The following ZNF385B variants were observed in gnomAD, a reference collection of about 807,000 sequenced individuals.
ZNF385B encodes zinc finger protein 385B.
In ZNF385B, 23 loss-of-function variants were observed where a neutral mutation model predicts 39.2. That is an observed-to-expected ratio of 0.59 (90% CI 0.42 to 0.83). The LOEUF is 0.83. Ranked by LOEUF, ZNF385B falls within the 40% of genes least tolerant of loss-of-function variation. ZNF385B has a pLI of 0.00. For synonymous variants in ZNF385B, 205 were observed against 222.6 expected (o/e 0.92, Z 0.70); for missense variants, 552 against 598.9 (o/e 0.92, Z 0.82).
At chr2:179,504,413 A>G (rs2057057931) in intron 5 of ZNF385B, among the ~76,000 whole-genome samples, 1 of 152,010 alleles carries the variant, frequency 6.6e-6, no homozygotes, top group African/African-American at 2.4e-5. Flanking sequence ...GGCTGGGTCA[A>G]ATGGTATTTC....
At chr2:179,821,522 A>C (rs577002560) in intron 1 of ZNF385B, among the ~76,000 whole-genome samples, 165 of 152,228 alleles carry the variant, frequency 1.1e-3, no homozygotes, top group African/African-American at 3.8e-3. Flanking sequence ...ACTAAAAACA[A>C]TACTCTCGAG....
rs533288972 is a variant in ZNF385B, at chr2:179,547,314, C to T, written c.299-2345G>A. On this transcript the variant is annotated intron_variant, in intron 3 of 9. Coordinates refer to ENST00000410066, the MANE Select transcript of ZNF385B (RefSeq NM_152520.6). The stretch of plus-strand genomic sequence containing the variant: ...CCACTCCAATATCCTGGAGAATTTC[C>T]CCAATTTTTTCACATAGTAGTTTCA... 7.4e-5 allele frequency among the ~76,000 whole-genome samples: 11 copies of T among 149,358 alleles called. 1 individual carries two copies. In the South Asian group the frequency reaches 2.4e-3, roughly 32 times the overall value.
chr2:179,570,526 C>G (rs1685089020), intron 3 of ZNF385B, among the ~76,000 whole-genome samples: 1 of 152,036 alleles, frequency 6.6e-6, no homozygotes, highest in Admixed American at 6.6e-5. Context: ...TAATATCTGT[C>G]TTTTTTAGAT....
intron 6 of ZNF385B, among the ~76,000 whole-genome samples, chr2:179,468,454 A>G (rs1417610305): frequency 6.6e-6 from 1 of 152,212 alleles, no homozygotes; most frequent in Non-Finnish European, 1.5e-5. Context: ...TGGAAAATAG[A>G]ATGAGTAACT....
chr2:179,629,602 T>C (rs3106702), intron 3 of ZNF385B, among the ~76,000 whole-genome samples: 58,262 of 151,964 alleles, frequency 0.38, 11,362 homozygotes, highest in African/African-American at 0.46. Flanking sequence ...GCGTGATCAA[T>C]GCAGAAGACG....
intron 3 of ZNF385B, among the ~76,000 whole-genome samples, chr2:179,666,715 G>T (rs1205333824): frequency 6.6e-6 from 1 of 151,788 alleles, no homozygotes; most frequent in South Asian, 2.1e-4. Context: ...TCCATTCTGG[G>T]CCAGGCCCTG....
intron 3 of ZNF385B, among the ~76,000 whole-genome samples, chr2:179,750,052 A>G (rs1180450907): frequency 1.3e-5 from 2 of 152,134 alleles, no homozygotes; most frequent in African/African-American, 2.4e-5. Flanking sequence ...ACACTTGTAT[A>G]ATCCACACCC....
At chr2:179,570,371 C>A (rs1456553223) in intron 3 of ZNF385B, among the ~76,000 whole-genome samples, 6 of 152,148 alleles carry the variant, frequency 3.9e-5, no homozygotes, top group South Asian at 2.1e-4. Context: ...GGCTTGGGAA[C>A]AAATGTGAAG....
chr2:179,489,082 G>A (rs1304988988), intron 5 of ZNF385B, among the ~76,000 whole-genome samples: 1 of 152,172 alleles, frequency 6.6e-6, no homozygotes, highest in Non-Finnish European at 1.5e-5. Context: ...TCAGATTGAG[G>A]AAATCAAGGA....
At chr2:179,698,535 C>A (rs72958973) in intron 3 of ZNF385B, among the ~76,000 whole-genome samples, 11,728 of 152,172 alleles carry the variant, frequency 0.077, 527 homozygotes, top group East Asian at 0.16. Flanking sequence ...AAATCAAGGG[C>A]AACTACTTCT....
At chr2:179,608,056 G>A (rs990049962) in intron 3 of ZNF385B, among the ~76,000 whole-genome samples, 9 of 151,828 alleles carry the variant, frequency 5.9e-5, no homozygotes, top group African/African-American at 1.9e-4. Flanking sequence ...TGGGATTACA[G>A]GCGTGCACCA....
intron 1 of ZNF385B, among the ~76,000 whole-genome samples, chr2:179,834,437 G>A (rs1242463652): frequency 6.6e-6 from 1 of 152,028 alleles, no homozygotes; most frequent in Non-Finnish European, 1.5e-5. Context: ...AGTCAAATTT[G>A]GGACAATTAC....
At chr2:179,736,059 CTTATT>C (rs1159098630) in intron 3 of ZNF385B, among the ~76,000 whole-genome samples, 2 of 151,796 alleles carry the variant, frequency 1.3e-5, no homozygotes, top group Non-Finnish European at 2.9e-5. Flanking sequence ...TTAAATATAC[CTTATT>C]TTATTATTTT....
chr2:179,858,660 A>G (rs1411986333), intron 1 of ZNF385B, among the ~76,000 whole-genome samples: 1 of 152,072 alleles, frequency 6.6e-6, no homozygotes, highest in Non-Finnish European at 1.5e-5. Flanking sequence ...CAAAATAGAG[A>G]TAATGAAACG....
In ZNF385B at chr2:179,493,673, GCATATACATATACACATATATA is replaced by G. The variant is rs149942866; in HGVS notation, c.553-10261_553-10240del. Among the ~76,000 whole-genome samples the G allele has an allele frequency of 1.6e-3, 169 of 107,086 alleles. 2 individuals are homozygous for G. Among genetic ancestry groups the G allele is most frequent in the Middle Eastern group, 0.011 (2 of 190 alleles). 70.3% of individuals were successfully genotyped at this position (107,086 alleles called of 152,430 possible). ...CGTATACATATATGTATATGCATAT[GCATATACATATACACATATATA>G]CATATATGTATACACATATGCATAT... is the stretch of plus-strand genomic sequence containing the variant. On this transcript the variant is annotated intron_variant, in intron 5 of 9. Transcript: ENST00000410066.
At chr2:179,754,119 T>C (rs1019487245) in intron 3 of ZNF385B, among the ~76,000 whole-genome samples, 7 of 152,198 alleles carry the variant, frequency 4.6e-5, no homozygotes, top group Non-Finnish European at 1.0e-4. Flanking sequence ...CAATACCTAA[T>C]TTATTGAGAG....
intron 3 of ZNF385B, among the ~76,000 whole-genome samples, chr2:179,636,096 TA>T (rs560416035): frequency 7.5e-4 from 115 of 152,340 alleles, no homozygotes; most frequent in African/African-American, 2.7e-3. Context: ...CTTACATTTT[TA>T]TTAGAGATCA....
intron 3 of ZNF385B, among the ~76,000 whole-genome samples, chr2:179,728,403 A>G (rs1701160038): frequency 6.6e-6 from 1 of 152,148 alleles, no homozygotes; most frequent in South Asian, 2.1e-4. Context: ...TAACACCCAC[A>G]TAACTACGTG....
intron 3 of ZNF385B, among the ~76,000 whole-genome samples, chr2:179,610,225 T>A (rs1689174563): frequency 6.6e-6 from 1 of 152,192 alleles, no homozygotes; most frequent in African/African-American, 2.4e-5. Flanking sequence ...TTGATTTTAT[T>A]TTTGTATATG....
Sources: allele counts gnomAD v4.1 joint callset (sites outside exome capture counted in the v4.1 genomes callset), GRCh38; gene constraint gnomAD v4.1.1; transcripts MANE v1.5; gene names NCBI Gene and HGNC (gene_info 2026-07-23, HGNC 2026-07-21).